The following NRP1 variants were observed in gnomAD, a reference collection of about 807,000 sequenced individuals.
NRP1 encodes the protein neuropilin 1, also known as neuropilin-1.
A neutral mutation model predicts 106.7 loss-of-function variants in NRP1; 35 were observed. The ratio of observed to expected loss-of-function variants is 0.33; its 90% CI spans 0.25 to 0.43. NRP1 has a LOEUF of 0.43. Ranked by LOEUF, NRP1 falls within the 20% of genes least tolerant of loss-of-function variation. The pLI is 1.00. For missense variants in NRP1, 1,024 were observed against 1,170.4 expected (o/e 0.87, Z 1.83); for synonymous variants, 437 against 417.9 (o/e 1.05, Z -0.56).
rs572555687 is a variant in NRP1 at position 33,277,015 on chromosome 10, G to T, written c.249-6159C>A. On this transcript the variant is annotated intron_variant, in intron 2 of 16. Coordinates refer to ENST00000374867, the MANE Select transcript of NRP1 (RefSeq NM_003873.7). The stretch of plus-strand genomic sequence containing the variant: ...AGCTACTTGGGATGCTGAGGTGGGA[G>T]GATCACTTAAGCCCAGGAGTTTGAG... Among the ~76,000 whole-genome samples, 10 of 151,748 alleles carry T rather than the reference G, an allele frequency of 6.6e-5. No individual in the cohort carries two copies. The South Asian group carries it at 2.1e-3, about 32-fold the overall frequency.
chr10:33,253,587 T>C (rs1013972249), intron 6 of NRP1, among the ~76,000 whole-genome samples: 2 of 152,164 alleles, frequency 1.3e-5, no homozygotes, highest in Non-Finnish European at 2.9e-5. Context: ...AAACCTATTA[T>C]TGGAAACAAT....
intron 2 of NRP1, among the ~76,000 whole-genome samples, chr10:33,290,845 G>A (rs1030968144): frequency 1.3e-5 from 2 of 152,180 alleles, no homozygotes; most frequent in Non-Finnish European, 2.9e-5. Context: ...AAGGAGAGAG[G>A]AAGTTGGGCC....
At chr10:33,221,889 C>T in intron 7 of NRP1, 26 bp from the exon 8 acceptor site, 1 of 1,581,710 alleles carries the variant, frequency 6.3e-7, no homozygotes, top group Non-Finnish European at 8.7e-7. Context: ...AAGTGCCTTT[C>T]TTTAGCAGAG....
chr10:33,230,758 G>C (rs1840056344), intron 6 of NRP1, among the ~76,000 whole-genome samples: 1 of 152,080 alleles, frequency 6.6e-6, no homozygotes, highest in African/African-American at 2.4e-5. Context: ...ATAAGCATCT[G>C]AATCTATTTC....
intron 2 of NRP1, among the ~76,000 whole-genome samples, chr10:33,296,732 T>A (rs1845414048): frequency 1.3e-5 from 2 of 152,118 alleles, no homozygotes; most frequent in African/African-American, 4.8e-5. Flanking sequence ...ATTTCAGTCT[T>A]AATAATCCAA....
intron 4 of NRP1, among the ~76,000 whole-genome samples, chr10:33,256,953 GT>G (rs1842236973): frequency 6.6e-6 from 1 of 152,140 alleles, no homozygotes; most frequent in South Asian, 2.1e-4. Context: ...AGTCCCAGGG[GT>G]CTGATCCACG....
chr10:33,299,863 C>T (rs1312331963), intron 2 of NRP1, among the ~76,000 whole-genome samples: 1 of 152,174 alleles, frequency 6.6e-6, no homozygotes, highest in African/African-American at 2.4e-5. Flanking sequence ...GAGATCCTCG[C>T]TGCCTTGATA....
intron 6 of NRP1, chr10:33,249,616 G>T (rs1588843454): frequency 4.7e-6 from 2 of 427,178 alleles, no homozygotes; most frequent in South Asian, 3.6e-5. Flanking sequence ...AGCAGCTCTG[G>T]GACACAGAAT....
rs201038869 is a variant in NRP1 at position 33,202,980 on chromosome 10, G to A, written c.1775C>T (p.Pro592Leu). The A allele has an allele frequency of 7.4e-6, 12 of 1,613,468 alleles. No individual in the cohort carries two copies. The East Asian group carries it at 1.3e-4, about 18-fold the overall frequency. The change falls in exon 11 of 17, where the codon CCG becomes CTG. Residue 592 changes from proline (P) to leucine (L), a missense_variant. Transcript: ENST00000374867. ...CACCAAGTTCCCGTTGGGAGTGGTC[G>A]GTCCAGCTGTAGGGGCTGAAACAAG... The part of the protein sequence containing the change: ...GCEVEAPTAG[P>L]TTPNGNLVDE...
In NRP1 at chr10:33,205,746, A is replaced by G. The variant is rs77251128; in HGVS notation, c.1759+1826T>C. 3.6e-3 allele frequency: 572 copies of G among 157,530 alleles called. 16 individuals are homozygous for G. In the East Asian group the frequency reaches 0.065, roughly 18 times the overall value. The allele number at this position is 157,530 out of a possible 1,614,324, so 9.8% of individuals were successfully genotyped here. On this transcript the variant is annotated intron_variant, in intron 10 of 16. Transcript: ENST00000374867. Reference sequence around the variant, plus strand: ...ATCTGAAGCACTGATCTCAGGTTTTACAACAGTGACATTATTCCCAGAAGC... The same window carrying G: ...ATCTGAAGCACTGATCTCAGGTTTTGCAACAGTGACATTATTCCCAGAAGC...
chr10:33,259,280 C>T (rs532231727), intron 4 of NRP1, among the ~76,000 whole-genome samples: 2 of 152,274 alleles, frequency 1.3e-5, no homozygotes, highest in South Asian at 2.1e-4. Flanking sequence ...ACACTGCCCC[C>T]GGACAACAGC....
intron 5 of NRP1, among the ~76,000 whole-genome samples, chr10:33,254,490 T>C (rs886156587): frequency 6.6e-6 from 1 of 152,186 alleles, no homozygotes; most frequent in African/African-American, 2.4e-5. Context: ...CAGTTGAGTG[T>C]GTGTGTTTGT....
intron 2 of NRP1, among the ~76,000 whole-genome samples, chr10:33,327,626 A>G (rs1043929853): frequency 1.3e-5 from 2 of 152,120 alleles, no homozygotes; most frequent in Admixed American, 1.3e-4. Flanking sequence ...GAAGTCTATG[A>G]ATTTGTTCTT....
In NRP1 at chr10:33,197,719, A is replaced by C. The variant is rs1452492072; in HGVS notation, c.1865-10T>G. Reference sequence around the variant, plus strand: ...AGCACAGTGGTGCCACCTGAAAAACAAAAACAGGAACATGCAAAAATAAGA... The same window carrying C: ...AGCACAGTGGTGCCACCTGAAAAACCAAAACAGGAACATGCAAAAATAAGA... On this transcript the variant is annotated splice_polypyrimidine_tract_variant and intron_variant, in intron 11 of 16. Coordinates refer to ENST00000374867, the MANE Select transcript of NRP1 (RefSeq NM_003873.7). 5.1e-6 allele frequency: 8 copies of C among 1,564,546 alleles called. No individual in the cohort carries two copies. Among genetic ancestry groups the C allele is most frequent in the Non-Finnish European group, 7.0e-6 (8 of 1,142,346 alleles).
chr10:33,194,672 C>A (rs1836650240), intron 12 of NRP1: 1 of 492,610 alleles, frequency 2.0e-6, no homozygotes, highest in Admixed American at 2.2e-5. Context: ...TTGTCTTGAT[C>A]ATGTAACTTG....
At chr10:33,287,451 G>A (rs1482295373) in intron 2 of NRP1, among the ~76,000 whole-genome samples, 1 of 152,142 alleles carries the variant, frequency 6.6e-6, no homozygotes, top group Non-Finnish European at 1.5e-5. Flanking sequence ...ATAATTTTTG[G>A]TGGAAAAAGT....
intron 6 of NRP1, among the ~76,000 whole-genome samples, chr10:33,251,627 G>A (rs1841865767): frequency 6.6e-6 from 1 of 152,030 alleles, no homozygotes; most frequent in African/African-American, 2.4e-5. Context: ...TTTCTTCTGG[G>A]GCAATCTCAG....
intron 6 of NRP1, 54 bp downstream of exon 6, chr10:33,253,974 T>C: frequency 6.5e-7 from 1 of 1,527,520 alleles, no homozygotes; most frequent in South Asian, 1.3e-5. Context: ...ACAACCTCTC[T>C]AGATGGTCAA....
intron 2 of NRP1, among the ~76,000 whole-genome samples, chr10:33,281,230 A>G (rs1302685962): frequency 6.6e-6 from 1 of 152,014 alleles, no homozygotes; most frequent in Non-Finnish European, 1.5e-5. Flanking sequence ...TTGTACTTTT[A>G]GTAGAGACAG....
Sources: allele counts gnomAD v4.1 joint callset (sites outside exome capture counted in the v4.1 genomes callset), GRCh38; gene constraint gnomAD v4.1.1; transcripts MANE v1.5; gene names NCBI Gene and HGNC (gene_info 2026-07-23, HGNC 2026-07-21).